HDLBP: variants seen among roughly 807,000 people sequenced by gnomAD.
HDLBP encodes vigilin.
In HDLBP, 30 loss-of-function variants were observed where a neutral mutation model predicts 137.3. The observed-to-expected ratio is 0.22, with a 90% CI of 0.16 to 0.30. The LOEUF (loss-of-function observed/expected upper bound fraction) is 0.30. HDLBP is among the 10% of genes least tolerant of loss of function. HDLBP has a pLI of 1.00. For missense variants in HDLBP, 1,119 were observed against 1,667.3 expected (o/e 0.67, Z 5.73); for synonymous variants, 606 against 596.0 (o/e 1.02, Z -0.24).
chr2:241,298,227 G>A (rs1193149404), intron 1 of HDLBP, among the ~76,000 whole-genome samples: 4 of 151,922 alleles, frequency 2.6e-5, no homozygotes, highest in African/African-American at 9.7e-5. Flanking sequence ...TTAGCTGGGC[G>A]TGGTGGCGCG....
chr2:241,306,665 TG>T, intron 1 of HDLBP, among the ~76,000 whole-genome samples: 1 of 151,410 alleles, frequency 6.6e-6, no homozygotes, highest in Non-Finnish European at 1.5e-5. Flanking sequence ...AGCACTTCAT[TG>T]GGAGGCCGAG....
At chr2:241,278,635 T>C (rs1001904945) in intron 1 of HDLBP, among the ~76,000 whole-genome samples, 1 of 151,282 alleles carries the variant, frequency 6.6e-6, no homozygotes. Flanking sequence ...CCATTCCTAA[T>C]AGCAACTAGG....
chr2:241,266,103 T>C (rs1012942577), intron 3 of HDLBP, among the ~76,000 whole-genome samples: 16 of 152,200 alleles, frequency 1.1e-4, no homozygotes, highest in African/African-American at 3.6e-4. Flanking sequence ...TTTTATAACA[T>C]CTAAACACAG....
Position 241,238,630 on chromosome 2 carries a change from G to T in HDLBP, c.2749+19C>A. 6.5e-7 allele frequency: 1 copy of T among 1,538,200 alleles called. No individual in the cohort carries two copies. ...GGCGCCACTATTAACAAGCAGAGCAGGGCTAATGGGGGACCCACCTGCGTT... is the reference window on the plus strand; with the variant it reads ...GGCGCCACTATTAACAAGCAGAGCATGGCTAATGGGGGACCCACCTGCGTT... On this transcript the variant is annotated intron_variant, in intron 20 of 27. Coordinates refer to ENST00000310931, the MANE Select transcript of HDLBP (RefSeq NM_005336.6). This position sits in a 1 kb window ranked among gnomAD's most constrained non-coding sequence, Gnocchi z 4.9.
At position 241,272,498 on chromosome 2, in the gene HDLBP, T is replaced by G; in HGVS notation, c.-102-3957A>C. ...CGGCGCCACCGGACTTGAGAAAGTT[T>G]GTGCGCGCCCCTCCGCGCCACGGCC... is the stretch of plus-strand genomic sequence containing the variant. On this transcript the variant is annotated intron_variant, in intron 1 of 27. Transcript: ENST00000310931. This position sits in a 1 kb window ranked among gnomAD's most constrained non-coding sequence, Gnocchi z 5.6. The G allele has an allele frequency of 1.0e-6, 1 of 983,988 alleles. No homozygotes were observed. Among genetic ancestry groups the G allele is most frequent in the Non-Finnish European group, 1.2e-6 (1 of 829,494 alleles). 61.0% of individuals were successfully genotyped at this position (983,988 alleles called of 1,614,324 possible).
Position 241,295,418 on chromosome 2 carries a change from A to G in HDLBP, c.-103+20152T>C, listed in dbSNP as rs544706624. Among the ~76,000 whole-genome samples the G allele has an allele frequency of 2.0e-5, 3 of 152,340 alleles. No individual in the cohort carries two copies. In the East Asian group the frequency reaches 5.8e-4, roughly 29 times the overall value. ...GACCTGTTTAGAAAACCTCTCTATTATAATGAAGCTCTAGTAACAGTGAAG... is the reference window on the plus strand; with the variant it reads ...GACCTGTTTAGAAAACCTCTCTATTGTAATGAAGCTCTAGTAACAGTGAAG... On this transcript the variant is annotated intron_variant, in intron 1 of 27. Coordinates refer to ENST00000310931, the MANE Select transcript of HDLBP (RefSeq NM_005336.6).
chr2:241,286,747 G>C (rs1327739854), intron 1 of HDLBP, among the ~76,000 whole-genome samples: 3 of 151,866 alleles, frequency 2.0e-5, no homozygotes, highest in Non-Finnish European at 4.4e-5. Context: ...GTTTACAATG[G>C]TGAAACCCTG....
At chr2:241,245,455 T>C (rs1030455385) in intron 16 of HDLBP, among the ~76,000 whole-genome samples, 2 of 152,102 alleles carry the variant, frequency 1.3e-5, no homozygotes, top group African/African-American at 4.8e-5. Flanking sequence ...CTGGGATTAG[T>C]AGATAGATTT....
chr2:241,288,624 G>C (rs1472856657), intron 1 of HDLBP, among the ~76,000 whole-genome samples: 1 of 152,174 alleles, frequency 6.6e-6, no homozygotes. Context: ...ACTGCTTCTA[G>C]GTGGAAATGC....
In HDLBP at chr2:241,253,402, G is replaced by A. The variant is rs1361837184; in HGVS notation, c.1284C>T (p.Val428=). Reference sequence around the variant, plus strand: ...CCAAGGGGTACCTTACCAAATCTTTGACCATGCCTTCTATCTGTTCCTGGG... The same window carrying A: ...CCAAGGGGTACCTTACCAAATCTTTAACCATGCCTTCTATCTGTTCCTGGG... ...NVAQEQIEGM[V]KDLINRMDYV... is the part of the protein sequence containing the mutation. The change falls in exon 10 of 28, where the codon GTC becomes GTT. Residue 428 remains valine (V), a synonymous_variant. Transcript: ENST00000310931. The A allele has an allele frequency of 1.2e-6, 2 of 1,605,066 alleles. No homozygotes were observed. The highest frequency in any genetic ancestry group is 1.7e-6 in the Non-Finnish European group (2 of 1,171,676).
intron 1 of HDLBP, among the ~76,000 whole-genome samples, chr2:241,287,313 G>T (rs2074852056): frequency 1.3e-5 from 2 of 151,720 alleles, no homozygotes; most frequent in African/African-American, 4.8e-5. Context: ...GTTTCACATT[G>T]TTGGCCAGGC....
chr2:241,258,845 A>C (rs2072928133), intron 5 of HDLBP, among the ~76,000 whole-genome samples: 1 of 152,210 alleles, frequency 6.6e-6, no homozygotes, highest in South Asian at 2.1e-4. Context: ...AAGAATGTGA[A>C]GAGCCTGGCT....
At chr2:241,288,003 T>C (rs948250115) in intron 1 of HDLBP, among the ~76,000 whole-genome samples, 2 of 152,220 alleles carry the variant, frequency 1.3e-5, no homozygotes, top group South Asian at 2.1e-4. Flanking sequence ...TGTGTTTTAA[T>C]AGGAAACTAT....
At chr2:241,248,482 C>T (rs574220535) in intron 12 of HDLBP, 134 bp from the exon 13 acceptor site, 11 of 702,518 alleles carry the variant, frequency 1.6e-5, no homozygotes, top group East Asian at 2.6e-5. Context: ...GGTGGCACCT[C>T]GTAGCACCCC....
At chr2:241,288,823 TG>T (rs915579695) in intron 1 of HDLBP, among the ~76,000 whole-genome samples, 1 of 152,196 alleles carries the variant, frequency 6.6e-6, no homozygotes, top group Admixed American at 6.5e-5. Context: ...GGGAACAGAA[TG>T]GCTGTAGGAA....
intron 1 of HDLBP, among the ~76,000 whole-genome samples, chr2:241,301,593 A>G (rs2075397855): frequency 6.6e-6 from 1 of 152,182 alleles, no homozygotes; most frequent in Admixed American, 6.5e-5. Context: ...AGGAGTAAGC[A>G]AACTCCAACA....
intron 11 of HDLBP, among the ~76,000 whole-genome samples, chr2:241,251,373 C>T (rs970376338): frequency 1.3e-5 from 2 of 152,226 alleles, no homozygotes; most frequent in African/African-American, 2.4e-5. Context: ...AGACTCTCGT[C>T]GCTGTCACGT....
At chr2:241,253,699 T>G (rs975846060) in intron 9 of HDLBP, among the ~76,000 whole-genome samples, 2 of 152,142 alleles carry the variant, frequency 1.3e-5, no homozygotes, top group African/African-American at 4.8e-5. Flanking sequence ...CTAAATACTG[T>G]GGCCGAATAA....
Position 241,239,351 on chromosome 2 carries a change from C to A in HDLBP, c.2610+251G>T, listed in dbSNP as rs1312357685. On this transcript the variant is annotated intron_variant, in intron 19 of 27. Coordinates refer to ENST00000310931, the MANE Select transcript of HDLBP (RefSeq NM_005336.6). This position sits in a 1 kb window ranked among gnomAD's most constrained non-coding sequence, Gnocchi z 4.6. ...TGCTTTCTTTCCTCTCTCTCTCTCC[C>A]CTCTCCTCTTCTCCTTCTCTCTCTC... Among the ~76,000 whole-genome samples the A allele has an allele frequency of 6.6e-6, 1 of 152,076 alleles. No individual in the cohort carries two copies. The highest frequency in any genetic ancestry group is 1.5e-5 in the Non-Finnish European group (1 of 67,988).
Sources: gnomAD v4.1 joint callset for allele counts (sites outside exome capture counted in the v4.1 genomes callset) on GRCh38, gnomAD v4.1.1 for gene constraint, Gnocchi (gnomAD v3.1) non-coding constraint, MANE v1.5 for transcripts, NCBI Gene and HGNC (gene_info 2026-07-23, HGNC 2026-07-21) for gene names.